Variants in FMN1 observed in about 807,000 individuals in gnomAD.
FMN1 encodes formin-1.
FMN1 carries 110 observed loss-of-function variants against 132.4 expected under a neutral mutation model. That is an observed-to-expected ratio of 0.83 (90% confidence interval 0.71 to 0.97). The LOEUF is 0.97. Among genes scored for constraint, FMN1 ranks in the 50% least tolerant of loss-of-function variants. The probability of loss-of-function intolerance (pLI) is 0.00; values close to 1 mark genes in which losing one functional copy is unlikely to be tolerated. For synonymous variants in FMN1, 722 were observed against 651.7 expected (o/e 1.11, Z -1.64); for missense variants, 1,792 against 1,705.3 (o/e 1.05, Z -0.90).
chr15:33,067,549 T>C lies in FMN1; in HGVS notation c.2044-2475A>G, dbSNP rs201951063. 9.0e-5 allele frequency: 145 copies of C among 1,614,022 alleles called. No homozygotes were observed. In the African/African-American group the frequency reaches 1.8e-3, roughly 20 times the overall value. ...GCTCTTGAGCAAGGAGAGATGTCCC[T>C]GCTTCTTTTCTCTGACTTCCCTCTG... On this transcript the variant is annotated intron_variant, in intron 5 of 20. Transcript: ENST00000616417.
At chr15:32,895,499 A>C (rs529871999) in intron 15 of FMN1, among the ~76,000 whole-genome samples, 2 of 152,134 alleles carry the variant, frequency 1.3e-5, no homozygotes, top group African/African-American at 2.4e-5. Context: ...TGAATTTTTT[A>C]AAGTGTGCCC....
chr15:33,029,474 C>T (rs1013375056), intron 6 of FMN1, among the ~76,000 whole-genome samples: 7 of 151,862 alleles, frequency 4.6e-5, no homozygotes, highest in Admixed American at 2.6e-4. Context: ...TAGGAACACA[C>T]GCTAGGGATG....
intron 9 of FMN1, among the ~76,000 whole-genome samples, chr15:32,938,495 C>A (rs1308710605): frequency 6.6e-6 from 1 of 152,068 alleles, no homozygotes; most frequent in African/African-American, 2.4e-5. Context: ...AGCCACTGCT[C>A]GCCAGCCTGG....
At chr15:33,016,707 G>C (rs768802057) in intron 6 of FMN1, among the ~76,000 whole-genome samples, 1 of 152,318 alleles carries the variant, frequency 6.6e-6, no homozygotes, top group Admixed American at 6.5e-5. Flanking sequence ...AGCACAGGAA[G>C]AGATCTAACT....
intron 17 of FMN1, among the ~76,000 whole-genome samples, chr15:32,825,801 T>C (rs1596019660): frequency 6.6e-6 from 1 of 152,184 alleles, no homozygotes; most frequent in Non-Finnish European, 1.5e-5. Flanking sequence ...CCTGACTACG[T>C]TGTGAGATCT....
At chr15:32,905,729 T>C (rs1360752471) in intron 12 of FMN1, among the ~76,000 whole-genome samples, 1 of 152,228 alleles carries the variant, frequency 6.6e-6, no homozygotes, top group African/African-American at 2.4e-5. Flanking sequence ...ACGTTAAAAC[T>C]ATAAATGATT....
intron 7 of FMN1, among the ~76,000 whole-genome samples, chr15:33,007,439 A>G (rs969014461): frequency 1.3e-5 from 2 of 152,124 alleles, no homozygotes; most frequent in African/African-American, 4.8e-5. Flanking sequence ...AAATACAGGG[A>G]AAGTCAACTA....
chr15:32,964,016 T>TACATACACAC, intron 9 of FMN1, 91 bp downstream of exon 9: 1 of 506,190 alleles, frequency 2.0e-6, no homozygotes. Flanking sequence ...GTATATACGA[T>TACATACACAC]ACACACACAC....
chr15:33,068,137 G>A (rs748891469), intron 5 of FMN1: 11 of 755,546 alleles, frequency 1.5e-5, no homozygotes, highest in Admixed American at 1.2e-4. Flanking sequence ...CCGAGGCTGC[G>A]CACCTTACTA....
chr15:32,781,452 T>C (rs1245466634), intron 19 of FMN1, among the ~76,000 whole-genome samples: 2 of 152,210 alleles, frequency 1.3e-5, no homozygotes, highest in Admixed American at 6.5e-5. Flanking sequence ...GGACAATAAA[T>C]TAATTCTACT....
rs181286868 is a variant in FMN1, at chr15:32,806,043, C to G, written c.3929-1711G>C. ...TATTATTATATATGAAAATACCACT[C>G]TCACACTTTAAAATATCCAGAAAAA... On this transcript the variant is annotated intron_variant, in intron 17 of 20. Coordinates refer to ENST00000616417, the MANE Select transcript of FMN1 (RefSeq NM_001277313.2). Among the ~76,000 whole-genome samples, 133 of 152,284 alleles carry G rather than the reference C, an allele frequency of 8.7e-4. 1 individual carries two copies. Among genetic ancestry groups the G allele is most frequent in the Admixed American group, 3.7e-3 (56 of 15,300 alleles).
intron 2 of FMN1, among the ~76,000 whole-genome samples, chr15:33,191,882 C>G (rs140686790): frequency 1.3e-5 from 2 of 152,304 alleles, no homozygotes; most frequent in African/African-American, 4.8e-5. Context: ...TCAGGCAAAT[C>G]AGATTAACAG....
intron 4 of FMN1, among the ~76,000 whole-genome samples, chr15:33,125,415 T>TA (rs544883359): frequency 6.6e-4 from 99 of 150,696 alleles, no homozygotes; most frequent in African/African-American, 2.2e-3. Flanking sequence ...TTCCTAGATG[T>TA]ACCAGTGCAC....
At chr15:32,895,416 T>C (rs1226409442) in intron 15 of FMN1, among the ~76,000 whole-genome samples, 1 of 151,342 alleles carries the variant, frequency 6.6e-6, no homozygotes, top group Non-Finnish European at 1.5e-5. Context: ...ATGTATAAAT[T>C]AGGAAAATGT....
intron 9 of FMN1, among the ~76,000 whole-genome samples, chr15:32,944,283 C>T (rs892189197): frequency 1.3e-5 from 2 of 152,240 alleles, no homozygotes; most frequent in Non-Finnish European, 1.5e-5. Context: ...TGCCATCACA[C>T]CCAGAAGAGC....
intron 6 of FMN1, among the ~76,000 whole-genome samples, chr15:33,047,096 C>A (rs924090124): frequency 2.0e-5 from 3 of 152,176 alleles, no homozygotes; most frequent in African/African-American, 7.2e-5. Flanking sequence ...TTCTTTTGGT[C>A]TCTGACATTT....
At chr15:33,080,890 A>C (rs1003605359) in intron 5 of FMN1, among the ~76,000 whole-genome samples, 1 of 151,824 alleles carries the variant, frequency 6.6e-6, no homozygotes. Context: ...TCCGTCTCAA[A>C]AAAAAAAAAA....
rs1322352787 is a variant in FMN1 at position 33,165,218 on chromosome 15, A to G, written c.-131-10173T>C. On this transcript the variant is annotated intron_variant, in intron 3 of 20. Transcript: ENST00000616417. Reference sequence around the variant, plus strand: ...GACAAAGAGAGCTTCCTTTTCAAATATCGGGAGTATCTTTTTTAGATATGT... The same window carrying G: ...GACAAAGAGAGCTTCCTTTTCAAATGTCGGGAGTATCTTTTTTAGATATGT... Among the ~76,000 whole-genome samples the G allele has an allele frequency of 3.3e-5, 5 of 152,320 alleles. No homozygotes were observed. In the South Asian group the frequency reaches 6.2e-4, roughly 19 times the overall value.
At chr15:32,866,824 T>C (rs996713235) in intron 16 of FMN1, among the ~76,000 whole-genome samples, 5 of 152,208 alleles carry the variant, frequency 3.3e-5, no homozygotes, top group Non-Finnish European at 7.3e-5. Context: ...TCTTGACTAC[T>C]TCTCCTTTGT....
Sources: gnomAD v4.1 joint callset for allele counts (sites outside exome capture counted in the v4.1 genomes callset) on GRCh38, gnomAD v4.1.1 for gene constraint, MANE v1.5 for transcripts, NCBI Gene and HGNC (gene_info 2026-07-23, HGNC 2026-07-21) for gene names.